Variants in TIAM1 observed in about 807,000 individuals in gnomAD.
The protein encoded by TIAM1 is TIAM Rac1 associated GEF 1.
Under a neutral mutation model 163.5 loss-of-function variants are expected in TIAM1, and 65 were observed. The ratio of observed to expected loss-of-function variants is 0.40; its 90% CI spans 0.33 to 0.49. The LOEUF (loss-of-function observed/expected upper bound fraction) is 0.49. TIAM1 is among the 20% of genes least tolerant of loss of function. TIAM1 has a pLI of 0.77. For missense variants in TIAM1, 1,789 were observed against 2,044.7 expected (o/e 0.87, Z 2.41); for synonymous variants, 833 against 810.1 (o/e 1.03, Z -0.48).
chr21:31,210,576 AAGAAAGAAAGAAAGAAAGAGAG>A (rs1295931088), intron 10 of TIAM1, among the ~76,000 whole-genome samples: 3 of 122,182 alleles, frequency 2.5e-5, no homozygotes, highest in African/African-American at 1.2e-4. Flanking sequence ...GAAAGAAAGA[AAGAAAGAAAGAAAGAAAGAGAG>A]AAAGAAGGAA....
At chr21:31,427,712 T>C (rs1207697500) in intron 2 of TIAM1, among the ~76,000 whole-genome samples, 1 of 151,940 alleles carries the variant, frequency 6.6e-6, no homozygotes, top group East Asian at 1.9e-4. Flanking sequence ...TGTGCACCTA[T>C]AGTCCCAGCT....
At position 31,295,759 on chromosome 21, in the gene TIAM1, G is replaced by A. The variant is rs144587652; in HGVS notation, c.-188-18851C>T. On this transcript the variant is annotated intron_variant, in intron 2 of 27. Coordinates refer to ENST00000541036, the MANE Select transcript of TIAM1 (RefSeq NM_001353694.2). ...AACAGGACAAAGGTAAAGAATACAC[G>A]TACCTTTTGAGAATATGCACATTAG... 1.2e-4 allele frequency among the ~76,000 whole-genome samples: 19 copies of A among 152,216 alleles called. No individual in the cohort carries two copies. In the East Asian group the frequency reaches 2.9e-3, roughly 23 times the overall value.
intron 2 of TIAM1, among the ~76,000 whole-genome samples, chr21:31,281,706 G>GGATA (rs2073574735): frequency 6.6e-6 from 1 of 151,978 alleles, no homozygotes; most frequent in Non-Finnish European, 1.5e-5. Context: ...ATGGATGGAT[G>GGATA]GATAGATGGA....
intron 2 of TIAM1, among the ~76,000 whole-genome samples, chr21:31,400,852 A>G (rs1211569924): frequency 6.6e-6 from 1 of 151,774 alleles, no homozygotes; most frequent in Non-Finnish European, 1.5e-5. Flanking sequence ...GCACTTTGGG[A>G]GGCCGAGGTG....
At chr21:31,366,049 T>C (rs893007064) in intron 2 of TIAM1, among the ~76,000 whole-genome samples, 2 of 128,650 alleles carry the variant, frequency 1.6e-5, no homozygotes, top group Non-Finnish European at 3.1e-5. Flanking sequence ...GTAGCTCCAC[T>C]GCACTCCAGC....
intron 22 of TIAM1, among the ~76,000 whole-genome samples, chr21:31,140,675 T>C (rs1447762397): frequency 6.6e-6 from 1 of 152,196 alleles, no homozygotes; most frequent in African/African-American, 2.4e-5. Context: ...CTCTTCTAAG[T>C]AGGTTTTTGG....
intron 2 of TIAM1, among the ~76,000 whole-genome samples, chr21:31,386,109 G>C (rs1256590436): frequency 4.6e-5 from 7 of 152,114 alleles, no homozygotes; most frequent in African/African-American, 1.7e-4. Flanking sequence ...GCTATGTGGA[G>C]GGGCTGCCAG....
intron 10 of TIAM1, 113 bp downstream of exon 10, chr21:31,213,285 C>A: frequency 1.1e-6 from 1 of 884,714 alleles, no homozygotes. Context: ...AAACTGATTT[C>A]AGTTTTTAAT....
intron 2 of TIAM1, among the ~76,000 whole-genome samples, chr21:31,445,194 A>G (rs580140): frequency 0.29 from 44,253 of 151,946 alleles, 6,744 homozygotes; most frequent in African/African-American, 0.38. Context: ...TGATGAGTGA[A>G]TCTTGACTTT....
At chr21:31,277,976 GTTATC>G (rs1265749910) in intron 2 of TIAM1, among the ~76,000 whole-genome samples, 1 of 152,114 alleles carries the variant, frequency 6.6e-6, no homozygotes, top group African/African-American at 2.4e-5. Flanking sequence ...TACAGACTAA[GTTATC>G]TTATTATTTT....
chr21:31,489,487 A>AAG (rs374028144), intron 1 of TIAM1, among the ~76,000 whole-genome samples: 18 of 126,498 alleles, frequency 1.4e-4, no homozygotes, highest in African/African-American at 3.5e-4. Context: ...AGATGAAAGA[A>AAG]AGAGAGAGAG....
intron 2 of TIAM1, among the ~76,000 whole-genome samples, chr21:31,425,358 G>A (rs1472356852): frequency 6.6e-6 from 1 of 152,076 alleles, no homozygotes; most frequent in Non-Finnish European, 1.5e-5. Flanking sequence ...CAATAAAATG[G>A]AGGCCACTCC....
At chr21:31,147,724 A>T (rs1417597977) in intron 19 of TIAM1, among the ~76,000 whole-genome samples, 16 of 143,896 alleles carry the variant, frequency 1.1e-4, no homozygotes, top group Admixed American at 1.1e-3. Context: ...TAATATATAA[A>T]ATATATAATA....
At chr21:31,324,618 G>A (rs998666418) in intron 2 of TIAM1, among the ~76,000 whole-genome samples, 5 of 152,158 alleles carry the variant, frequency 3.3e-5, no homozygotes, top group African/African-American at 4.8e-5. Flanking sequence ...TTCCCACAGT[G>A]CTGCTCTCAG....
chr21:31,187,190 A>G, intron 13 of TIAM1, 103 bp from the exon 14 acceptor site: 2 of 1,095,078 alleles, frequency 1.8e-6, no homozygotes, highest in Non-Finnish European at 2.8e-6. Flanking sequence ...CATGTTTGTC[A>G]TTATAGTTTG....
intron 15 of TIAM1, among the ~76,000 whole-genome samples, chr21:31,176,085 G>A (rs1332914261): frequency 6.6e-6 from 1 of 152,154 alleles, no homozygotes; most frequent in Non-Finnish European, 1.5e-5. Flanking sequence ...AGATATGTTT[G>A]ATGGGCACAA....
intron 2 of TIAM1, among the ~76,000 whole-genome samples, chr21:31,316,382 T>C (rs907361883): frequency 6.6e-6 from 1 of 152,138 alleles, no homozygotes; most frequent in South Asian, 2.1e-4. Context: ...ATTGAGACAA[T>C]GGTGACATGT....
intron 2 of TIAM1, among the ~76,000 whole-genome samples, chr21:31,310,858 T>C (rs186235980): frequency 6.7e-4 from 102 of 152,330 alleles, no homozygotes; most frequent in African/African-American, 2.0e-3. Flanking sequence ...AGGAAAATCA[T>C]GTAAGGCAGG....
chr21:31,537,706 C>T (rs978244202), intron 1 of TIAM1, among the ~76,000 whole-genome samples: 1 of 151,564 alleles, frequency 6.6e-6, no homozygotes, highest in African/African-American at 2.4e-5. Context: ...GATCCAAGAT[C>T]GCACCACTGC....
Sources: allele counts gnomAD v4.1 joint callset (sites outside exome capture counted in the v4.1 genomes callset), GRCh38; gene constraint gnomAD v4.1.1; transcripts MANE v1.5; gene names NCBI Gene and HGNC (gene_info 2026-07-23, HGNC 2026-07-21).